The following CSRNP3 variants were observed in gnomAD, a reference collection of about 807,000 sequenced individuals.
CSRNP3 encodes cysteine/serine-rich nuclear protein 3.
Under a neutral mutation model 48.0 loss-of-function variants are expected in CSRNP3, and 12 were observed. The ratio of observed to expected loss-of-function variants is 0.25; its 90% CI spans 0.16 to 0.41. The LOEUF is 0.41. Among genes scored for constraint, CSRNP3 ranks in the 10% least tolerant of loss-of-function variants. The probability of loss-of-function intolerance (pLI) is 1.00; values close to 1 mark genes in which losing one functional copy is unlikely to be tolerated. For synonymous variants in CSRNP3, 263 were observed against 269.7 expected, an observed-to-expected ratio of 0.98 and a Z score of 0.24; for missense variants, 580 against 724.4, an observed-to-expected ratio of 0.80 and a Z score of 2.29.
chr2:165,648,690 A>AG (rs1006056702), intron 4 of CSRNP3, among the ~76,000 whole-genome samples: 5 of 151,962 alleles, frequency 3.3e-5, no homozygotes, highest in African/African-American at 1.2e-4. Flanking sequence ...GGGGAAGAGG[A>AG]GGGGGCGTCC....
intron 3 of CSRNP3, among the ~76,000 whole-genome samples, chr2:165,589,274 G>C (rs764931434): frequency 4.6e-5 from 7 of 152,112 alleles, no homozygotes; most frequent in Non-Finnish European, 1.0e-4. Context: ...AGGTGATATA[G>C]AAGAAAACCA....
intron 3 of CSRNP3, among the ~76,000 whole-genome samples, chr2:165,528,424 T>G (rs1044844980): frequency 6.6e-6 from 1 of 152,232 alleles, no homozygotes. Flanking sequence ...TGTTTTCCTA[T>G]GCTTTCTTCT....
intron 4 of CSRNP3, among the ~76,000 whole-genome samples, chr2:165,636,330 A>G (rs1686627260): frequency 6.6e-6 from 1 of 152,216 alleles, no homozygotes; most frequent in Admixed American, 6.5e-5. Context: ...GGATGAATGA[A>G]TGGATAATTT....
intron 3 of CSRNP3, among the ~76,000 whole-genome samples, chr2:165,539,878 C>A (rs1383769525): frequency 6.6e-6 from 1 of 152,042 alleles, no homozygotes; most frequent in African/African-American, 2.4e-5. Context: ...TGTTTGTTAG[C>A]AGCTATGCTG....
At chr2:165,502,099 T>G (rs969806390) in intron 2 of CSRNP3, among the ~76,000 whole-genome samples, 1 of 152,056 alleles carries the variant, frequency 6.6e-6, no homozygotes, top group Non-Finnish European at 1.5e-5. Context: ...GTATTTTTTC[T>G]TATGGTGAAA....
intron 3 of CSRNP3, among the ~76,000 whole-genome samples, chr2:165,520,700 A>G (rs115664876): frequency 0.02 from 2,737 of 138,602 alleles, 95 homozygotes; most frequent in African/African-American, 0.07. Flanking sequence ...GTATCTATCT[A>G]TCTATCTATC....
intron 4 of CSRNP3, among the ~76,000 whole-genome samples, chr2:165,647,690 G>A (rs531782017): frequency 2.0e-5 from 3 of 152,198 alleles, no homozygotes; most frequent in South Asian, 2.1e-4. Context: ...AGTAGAAACC[G>A]TACTTTGAGT....
At chr2:165,585,954 C>T (rs953681882) in intron 3 of CSRNP3, among the ~76,000 whole-genome samples, 2 of 152,100 alleles carry the variant, frequency 1.3e-5, no homozygotes, top group African/African-American at 2.4e-5. Flanking sequence ...TGATAGAATA[C>T]CCCCTAAGGC....
At chr2:165,566,130 A>T (rs890229357) in intron 3 of CSRNP3, among the ~76,000 whole-genome samples, 1 of 151,944 alleles carries the variant, frequency 6.6e-6, no homozygotes, top group African/African-American at 2.4e-5. Flanking sequence ...AAACCAGTCA[A>T]ATACCTTGTA....
intron 4 of CSRNP3, among the ~76,000 whole-genome samples, chr2:165,609,856 G>T (rs1041288133): frequency 2.6e-5 from 4 of 152,128 alleles, no homozygotes; most frequent in Non-Finnish European, 5.9e-5. Context: ...TTAGATGTAG[G>T]CAGATCATGT....
chr2:165,626,164 A>G (rs1278123476), intron 4 of CSRNP3, among the ~76,000 whole-genome samples: 1 of 151,958 alleles, frequency 6.6e-6, no homozygotes, highest in African/African-American at 2.4e-5. Context: ...CGGAGGTTGC[A>G]GTGAGCCGAG....
chr2:165,604,679 T>A (rs1685979345), intron 4 of CSRNP3, among the ~76,000 whole-genome samples: 1 of 152,242 alleles, frequency 6.6e-6, no homozygotes, highest in South Asian at 2.1e-4. Flanking sequence ...AATTGGATGC[T>A]GTGCAGCTAT....
At chr2:165,556,122 G>A (rs969706789) in intron 3 of CSRNP3, among the ~76,000 whole-genome samples, 18 of 152,228 alleles carry the variant, frequency 1.2e-4, no homozygotes, top group South Asian at 8.3e-4. Flanking sequence ...CTGAAGGTGC[G>A]GAACTGAGAA....
At chr2:165,663,800 G>A (rs1687134840) in intron 5 of CSRNP3, among the ~76,000 whole-genome samples, 1 of 152,116 alleles carries the variant, frequency 6.6e-6, no homozygotes, top group African/African-American at 2.4e-5. Flanking sequence ...CAGCTATGAT[G>A]GGTGTATTTA....
At chr2:165,604,027 A>G (rs1428691078) in intron 4 of CSRNP3, among the ~76,000 whole-genome samples, 1 of 152,224 alleles carries the variant, frequency 6.6e-6, no homozygotes, top group Non-Finnish European at 1.5e-5. Flanking sequence ...ATGTATGTTT[A>G]TCATCTGATC....
At chr2:165,552,673 C>T (rs1224992918) in intron 3 of CSRNP3, among the ~76,000 whole-genome samples, 5 of 151,878 alleles carry the variant, frequency 3.3e-5, no homozygotes, top group Admixed American at 3.3e-4. Context: ...CTCTCTAATA[C>T]CATACCTTCA....
At chr2:165,514,007 G>A (rs1684542763) in intron 2 of CSRNP3, among the ~76,000 whole-genome samples, 1 of 152,184 alleles carries the variant, frequency 6.6e-6, no homozygotes, top group Non-Finnish European at 1.5e-5. Context: ...TCTAAATGAT[G>A]ATATGGGTTT....
At chr2:165,561,556 T>C (rs1055279805) in intron 3 of CSRNP3, among the ~76,000 whole-genome samples, 1 of 152,196 alleles carries the variant, frequency 6.6e-6, no homozygotes, top group African/African-American at 2.4e-5. Context: ...CAAAATGGAC[T>C]GCTCATTTGG....
At chr2:165,592,455 T>C (rs1447936861) in intron 3 of CSRNP3, among the ~76,000 whole-genome samples, 1 of 152,124 alleles carries the variant, frequency 6.6e-6, no homozygotes, top group Non-Finnish European at 1.5e-5. Context: ...TGTTTTGAAA[T>C]GTGAGGACAT....
Sources: allele counts gnomAD v4.1 joint callset (sites outside exome capture counted in the v4.1 genomes callset), GRCh38; gene constraint gnomAD v4.1.1; transcripts MANE v1.5; gene names NCBI Gene and HGNC (gene_info 2026-07-23, HGNC 2026-07-21).